RNF11: variants seen among roughly 807,000 people sequenced by gnomAD.
RNF11 encodes the protein ring finger protein 11.
In RNF11, 4 loss-of-function variants were observed where a neutral mutation model predicts 15.8. That is an observed-to-expected ratio of 0.25 (90% confidence interval 0.12 to 0.58). The LOEUF (loss-of-function observed/expected upper bound fraction) is 0.58. Ranked by LOEUF, RNF11 falls within the 20% of genes least tolerant of loss-of-function variation. The pLI, the probability that RNF11 is intolerant of heterozygous loss-of-function variation, is 0.91. For synonymous variants in RNF11, 68 were observed against 72.3 expected, an observed-to-expected ratio of 0.94 and a Z score of 0.30; for missense variants, 139 against 194.4, an observed-to-expected ratio of 0.71 and a Z score of 1.70.
chr1:51,257,405 G>A (rs1225595157), intron 1 of RNF11, among the ~76,000 whole-genome samples: 1 of 152,050 alleles, frequency 6.6e-6, no homozygotes, highest in African/African-American at 2.4e-5. Flanking sequence ...CCCCAATTGG[G>A]TCCACTTGGA....
intron 1 of RNF11, among the ~76,000 whole-genome samples, chr1:51,247,210 AT>A (rs879325944): frequency 7.7e-4 from 112 of 145,858 alleles, no homozygotes; most frequent in African/African-American, 8.2e-4. Flanking sequence ...GTGTGTAGTT[AT>A]TTTTTTTTTT....
intron 1 of RNF11, among the ~76,000 whole-genome samples, chr1:51,258,710 A>G (rs1160949477): frequency 6.6e-6 from 1 of 152,196 alleles, no homozygotes; most frequent in Non-Finnish European, 1.5e-5. Context: ...AAATGTTTTT[A>G]GTGTCCCCGT....
At chr1:51,255,591 CA>C (rs1184838681) in intron 1 of RNF11, among the ~76,000 whole-genome samples, 3 of 152,160 alleles carry the variant, frequency 2.0e-5, no homozygotes, top group Admixed American at 1.3e-4. Flanking sequence ...TTTGGAAGCA[CA>C]AAAGTGATTA....
At chr1:51,237,394 C>T (rs1342626561) in intron 1 of RNF11, among the ~76,000 whole-genome samples, 1 of 148,916 alleles carries the variant, frequency 6.7e-6, no homozygotes, top group Non-Finnish European at 1.5e-5. Context: ...GATTTTAACC[C>T]TAGCGACATC....
Position 51,273,423 on chromosome 1 carries a change from A to C in RNF11, c.*2101A>C, listed in dbSNP as rs1243989397. The C allele has an allele frequency of 1.3e-5, 2 of 152,152 alleles. No individual in the cohort carries two copies. Among genetic ancestry groups the C allele is most frequent in the Non-Finnish European group, 2.9e-5 (2 of 68,002 alleles). 9.4% of individuals were successfully genotyped at this position (152,152 alleles called of 1,614,324 possible). A position where few individuals can be genotyped will look rare whatever the true frequency, so the allele number is the denominator to read the frequency against. ...AATTTTGACTTTTACTAAGTTGTTAAATAAAGTTATAATACAGCTGTGAAG... is the reference window on the plus strand; with the variant it reads ...AATTTTGACTTTTACTAAGTTGTTACATAAAGTTATAATACAGCTGTGAAG... On this transcript the variant is annotated 3_prime_UTR_variant, in exon 3 of 3. Coordinates refer to ENST00000242719, the MANE Select transcript of RNF11 (RefSeq NM_014372.5).
chr1:51,250,501 A>C (rs1646872307), intron 1 of RNF11: 2 of 523,028 alleles, frequency 3.8e-6, no homozygotes, highest in Non-Finnish European at 3.4e-6. Context: ...TTACAGTGCT[A>C]ATTTGTTTAC....
intron 1 of RNF11, chr1:51,250,486 T>A: frequency 4.0e-6 from 2 of 496,200 alleles, no homozygotes; most frequent in Non-Finnish European, 7.2e-6. Context: ...ATAGCGTGGG[T>A]CCACTTACAG....
At chr1:51,247,383 A>G (rs771278482) in intron 1 of RNF11, among the ~76,000 whole-genome samples, 11 of 152,152 alleles carry the variant, frequency 7.2e-5, no homozygotes, top group Non-Finnish European at 7.4e-5. Context: ...ATCCAGTCAA[A>G]GTGTCTGGGT....
At chr1:51,246,136 A>T (rs1234745998) in intron 1 of RNF11, among the ~76,000 whole-genome samples, 2 of 152,172 alleles carry the variant, frequency 1.3e-5, no homozygotes, top group Admixed American at 1.3e-4. Context: ...GTGGTGGCAC[A>T]TGCCTGTAAT....
intron 1 of RNF11, 149 bp downstream of exon 1, chr1:51,237,028 T>C (rs989749164): frequency 9.1e-6 from 10 of 1,095,680 alleles, no homozygotes; most frequent in Non-Finnish European, 1.3e-5. Context: ...GCATTTGCTC[T>C]CTGATCTCAG....
At chr1:51,262,501 A>G (rs968088799) in intron 1 of RNF11, among the ~76,000 whole-genome samples, 2 of 152,162 alleles carry the variant, frequency 1.3e-5, no homozygotes, top group Non-Finnish European at 2.9e-5. Context: ...ACGTAAAGAA[A>G]GTGAAAAGAT....
intron 1 of RNF11, among the ~76,000 whole-genome samples, chr1:51,249,027 A>T (rs2148067491): frequency 6.6e-6 from 1 of 152,336 alleles, no homozygotes; most frequent in Non-Finnish European, 1.5e-5. Context: ...GAGGGTGTAC[A>T]GGTTATGTGC....
intron 1 of RNF11, among the ~76,000 whole-genome samples, chr1:51,238,160 G>A (rs886769740): frequency 1.1e-4 from 17 of 152,014 alleles, no homozygotes; most frequent in Admixed American, 1.1e-3. Flanking sequence ...GGAGCCCTTC[G>A]CCCGGGTCAG....
intron 2 of RNF11, among the ~76,000 whole-genome samples, chr1:51,270,884 CAGT>C (rs1569689793): frequency 6.6e-6 from 1 of 152,198 alleles, no homozygotes; most frequent in East Asian, 1.9e-4. Context: ...ACAAGCACAG[CAGT>C]AGATTTGATG....
chr1:51,240,401 A>C (rs1321308671), intron 1 of RNF11, among the ~76,000 whole-genome samples: 1 of 152,120 alleles, frequency 6.6e-6, no homozygotes, highest in African/African-American at 2.4e-5. Flanking sequence ...ACCCTGTTTG[A>C]AAGTGCAACC....
chr1:51,251,129 A>T, intron 1 of RNF11: 1 of 1,554,030 alleles, frequency 6.4e-7, no homozygotes, highest in Non-Finnish European at 8.7e-7. Context: ...GCTGGCCAGC[A>T]CGGGTCTGCG....
At chr1:51,246,121 C>T (rs1043487360) in intron 1 of RNF11, among the ~76,000 whole-genome samples, 13 of 152,086 alleles carry the variant, frequency 8.5e-5, no homozygotes, top group South Asian at 2.1e-4. Context: ...CAAAAATAGC[C>T]GGGTGTGGTG....
intron 1 of RNF11, among the ~76,000 whole-genome samples, chr1:51,248,797 C>T (rs923924731): frequency 6.6e-6 from 1 of 152,070 alleles, no homozygotes; most frequent in Non-Finnish European, 1.5e-5. Context: ...CAGAGCTGCC[C>T]TGATTAAATT....
intron 1 of RNF11, chr1:51,250,684 C>G: frequency 1.1e-6 from 1 of 945,050 alleles, no homozygotes; most frequent in Non-Finnish European, 1.7e-6. Context: ...AATTCCTGAT[C>G]GGGAGACTTG....
Sources: gnomAD v4.1 joint callset for allele counts (sites outside exome capture counted in the v4.1 genomes callset) on GRCh38, gnomAD v4.1.1 for gene constraint, MANE v1.5 for transcripts, NCBI Gene and HGNC (gene_info 2026-07-23, HGNC 2026-07-21) for gene names.